CADM2: variants seen among roughly 807,000 people sequenced by gnomAD.
The protein encoded by CADM2 is immunoglobulin superfamily member 4D.
In CADM2, 12 loss-of-function variants were observed where a neutral mutation model predicts 49.8. That is an observed-to-expected ratio of 0.24 (90% CI 0.15 to 0.39). The LOEUF is 0.39. Ranked by LOEUF, CADM2 falls within the 10% of genes least tolerant of loss-of-function variation. The pLI is 1.00. For missense variants in CADM2, 378 were observed against 492.3 expected, an observed-to-expected ratio of 0.77 and a Z score of 2.20; for synonymous variants, 214 against 175.4, an observed-to-expected ratio of 1.22 and a Z score of -1.74.
chr3:85,734,538 CATATAT>C (rs144007432), intron 2 of CADM2, among the ~76,000 whole-genome samples: 1 of 149,194 alleles, frequency 6.7e-6, no homozygotes, highest in Non-Finnish European at 1.5e-5. Flanking sequence ...CACACACATA[CATATAT>C]ATATACATAT....
At chr3:85,813,030 A>G (rs1243041142) in intron 3 of CADM2, among the ~76,000 whole-genome samples, 1 of 152,196 alleles carries the variant, frequency 6.6e-6, no homozygotes, top group Non-Finnish European at 1.5e-5. Flanking sequence ...GTGTCTTTAT[A>G]GTAGAATAAT....
intron 1 of CADM2, among the ~76,000 whole-genome samples, chr3:85,339,499 GATC>G (rs1272442024): frequency 2.6e-5 from 4 of 151,316 alleles, no homozygotes; most frequent in Admixed American, 2.6e-4. Context: ...TGAACAATTA[GATC>G]ATAATTTTTC....
chr3:85,898,573 C>CTT (rs199547014), intron 5 of CADM2, among the ~76,000 whole-genome samples: 28 of 142,404 alleles, frequency 2.0e-4, no homozygotes, highest in African/African-American at 3.6e-4. Context: ...ACATATCTTT[C>CTT]TTTTTTTTTT....
chr3:85,360,837 T>C (rs147325918), intron 1 of CADM2, among the ~76,000 whole-genome samples: 1 of 152,286 alleles, frequency 6.6e-6, no homozygotes, highest in Non-Finnish European at 1.5e-5. Flanking sequence ...TACCGTTGTG[T>C]ATCTATTGTA....
At chr3:85,497,259 A>ATG (rs2039944729) in intron 1 of CADM2, among the ~76,000 whole-genome samples, 1 of 152,060 alleles carries the variant, frequency 6.6e-6, no homozygotes, top group Admixed American at 6.6e-5. Flanking sequence ...AGGTACATAT[A>ATG]TGTGTGTATT....
intron 1 of CADM2, among the ~76,000 whole-genome samples, chr3:85,636,243 G>C (rs2064474740): frequency 6.6e-6 from 1 of 152,100 alleles, no homozygotes; most frequent in Admixed American, 6.5e-5. Context: ...AAGACGCAGA[G>C]GTGACAGACA....
chr3:85,884,085 A>G (rs1713210188), intron 4 of CADM2, among the ~76,000 whole-genome samples: 1 of 152,334 alleles, frequency 6.6e-6, no homozygotes, highest in East Asian at 1.9e-4. Flanking sequence ...AAGTGACACA[A>G]AAAAAGCAAT....
chr3:85,798,332 A>G (rs2071755505), intron 2 of CADM2, among the ~76,000 whole-genome samples: 1 of 152,148 alleles, frequency 6.6e-6, no homozygotes. Flanking sequence ...TTAGTCATGA[A>G]GTCTTTGCCC....
At chr3:85,761,356 A>G (rs2069364058) in intron 2 of CADM2, among the ~76,000 whole-genome samples, 1 of 151,166 alleles carries the variant, frequency 6.6e-6, no homozygotes, top group South Asian at 2.1e-4. Flanking sequence ...CTGTTGATAT[A>G]CAACACAAAA....
chr3:85,087,219 T>G (rs538476865), intron 1 of CADM2, among the ~76,000 whole-genome samples: 2 of 152,278 alleles, frequency 1.3e-5, no homozygotes, highest in African/African-American at 2.4e-5. Flanking sequence ...GTTTACTGAC[T>G]GTCTCAAGGG....
intron 7 of CADM2, among the ~76,000 whole-genome samples, chr3:85,938,996 G>A (rs147382030): frequency 6.6e-6 from 1 of 152,096 alleles, no homozygotes; most frequent in East Asian, 1.9e-4. Flanking sequence ...AGAGTAATTA[G>A]GTATATTGGT....
chr3:85,771,667 G>A (rs1016973472), intron 2 of CADM2, among the ~76,000 whole-genome samples: 2 of 152,006 alleles, frequency 1.3e-5, no homozygotes, highest in African/African-American at 4.8e-5. Context: ...GTCTAAAAAG[G>A]GTCTCTCTTT....
intron 1 of CADM2, among the ~76,000 whole-genome samples, chr3:85,591,873 A>G (rs1300366386): frequency 6.6e-6 from 1 of 152,046 alleles, no homozygotes; most frequent in Non-Finnish European, 1.5e-5. Context: ...ACTGATGAGC[A>G]GAAATTTGCA....
chr3:85,877,691 T>TG (rs1712110576), intron 3 of CADM2, among the ~76,000 whole-genome samples: 1 of 146,828 alleles, frequency 6.8e-6, no homozygotes, highest in South Asian at 2.1e-4. Context: ...TCTGTTTTTT[T>TG]TTTTTTTTTT....
intron 1 of CADM2, among the ~76,000 whole-genome samples, chr3:85,230,568 T>C (rs765428987): frequency 1.4e-4 from 22 of 152,174 alleles, no homozygotes; most frequent in Non-Finnish European, 1.9e-4. Flanking sequence ...ACAAATAGAC[T>C]TGTGCTTAAA....
intron 1 of CADM2, among the ~76,000 whole-genome samples, chr3:85,369,445 C>T (rs373658650): frequency 6.6e-6 from 1 of 152,096 alleles, no homozygotes; most frequent in African/African-American, 2.4e-5. Context: ...CCAGCTTGGC[C>T]AACATGGCGA....
At chr3:85,277,702 G>A (rs1289830069) in intron 1 of CADM2, among the ~76,000 whole-genome samples, 1 of 151,290 alleles carries the variant, frequency 6.6e-6, no homozygotes, top group Non-Finnish European at 1.5e-5. Context: ...ACTTTCTGGT[G>A]AGACTTCTCT....
chr3:84,964,611 G>T (rs1032405277), intron 1 of CADM2, among the ~76,000 whole-genome samples: 9 of 152,108 alleles, frequency 5.9e-5, no homozygotes, highest in African/African-American at 2.2e-4. Context: ...AACCAAGGAG[G>T]CCGACTCAAA....
intron 7 of CADM2, among the ~76,000 whole-genome samples, chr3:85,952,390 A>C (rs770426231): frequency 2.7e-5 from 4 of 150,862 alleles, no homozygotes; most frequent in Non-Finnish European, 5.9e-5. Context: ...TTAGCTTGGA[A>C]ACATGGTTGG....
Sources: gnomAD v4.1 joint callset for allele counts (sites outside exome capture counted in the v4.1 genomes callset) on GRCh38, gnomAD v4.1.1 for gene constraint, MANE v1.5 for transcripts, NCBI Gene and HGNC (gene_info 2026-07-23, HGNC 2026-07-21) for gene names.